The following DYNC1I1 variants were observed in gnomAD, a reference collection of about 807,000 sequenced individuals.
DYNC1I1 encodes the protein dynein cytoplasmic 1 intermediate chain 1.
A neutral mutation model predicts 86.6 loss-of-function variants in DYNC1I1; 43 were observed. The ratio of observed to expected loss-of-function variants is 0.50; its 90% CI spans 0.39 to 0.64. The LOEUF is 0.64. Among genes scored for constraint, DYNC1I1 ranks in the 30% least tolerant of loss-of-function variants. The pLI is 0.00. For synonymous variants in DYNC1I1, 262 were observed against 283.7 expected, an observed-to-expected ratio of 0.92 and a Z score of 0.77; for missense variants, 604 against 788.8, an observed-to-expected ratio of 0.77 and a Z score of 2.81.
At chr7:95,904,505 T>G (rs1056534197) in intron 6 of DYNC1I1, among the ~76,000 whole-genome samples, 8 of 152,168 alleles carry the variant, frequency 5.3e-5, no homozygotes, top group African/African-American at 1.9e-4. Flanking sequence ...AGACACATTT[T>G]CAGCCAATGG....
rs570007291 is a variant in DYNC1I1 at position 95,912,501 on chromosome 7, G to T, written c.490+42503G>T. 2.2e-4 allele frequency among the ~76,000 whole-genome samples: 34 copies of T among 152,290 alleles called. 1 individual carries two copies. In the South Asian group the frequency reaches 6.0e-3, roughly 27 times the overall value. On this transcript the variant is annotated intron_variant, in intron 6 of 16. Coordinates refer to ENST00000447467, the MANE Select transcript of DYNC1I1 (RefSeq NM_001135556.2). ...GCATGTGGCTCAGGTTGAAGAGCTG[G>T]TCTTTCCCACTCCTTGATTTGCAGG...
Position 95,977,561 on chromosome 7 carries a change from A to G in DYNC1I1, c.540A>G (p.Ser180=), listed in dbSNP as rs752551956. The G allele has an allele frequency of 1.2e-6, 2 of 1,613,552 alleles. No individual in the cohort carries two copies. Among genetic ancestry groups the G allele is most frequent in the South Asian group, 1.1e-5 (1 of 90,944 alleles). The change falls in exon 7 of 17, where the codon TCA becomes TCG. Residue 180 remains serine, a synonymous_variant. Coordinates refer to ENST00000447467, the MANE Select transcript of DYNC1I1 (RefSeq NM_001135556.2). ...EMVESKVGQD[S]ELENQDKKQE... is the part of the protein sequence containing the mutation. ...TGGAATCTAAAGTTGGCCAGGACTC[A>G]GAACTGGAAAATCAGGACAAAAAAC...
intron 6 of DYNC1I1, among the ~76,000 whole-genome samples, chr7:95,878,535 A>G (rs1227159048): frequency 6.6e-6 from 1 of 152,208 alleles, no homozygotes; most frequent in East Asian, 1.9e-4. Flanking sequence ...TGCAGTCTGA[A>G]GATGAGAAAG....
At chr7:95,947,548 G>A (rs1321950477) in intron 6 of DYNC1I1, among the ~76,000 whole-genome samples, 1 of 152,096 alleles carries the variant, frequency 6.6e-6, no homozygotes, top group East Asian at 1.9e-4. Flanking sequence ...GTTTTTGGGT[G>A]GGAGATGCCC....
chr7:96,086,596 G>A lies in DYNC1I1; in HGVS notation c.1776+6108G>A, dbSNP rs115121747. Among the ~76,000 whole-genome samples, 1,276 of 152,188 alleles carry A rather than the reference G, an allele frequency of 8.4e-3. 20 individuals are homozygous for A. The highest frequency in any genetic ancestry group is 0.029 in the African/African-American group (1,210 of 41,518). ...ACTTTGATAGCATTTCAAATAGCTT[G>A]TTTGATACGACTATTTGGGGGCCAA... is the stretch of plus-strand genomic sequence containing the variant. On this transcript the variant is annotated intron_variant, in intron 16 of 16. Coordinates refer to ENST00000447467, the MANE Select transcript of DYNC1I1 (RefSeq NM_001135556.2).
intron 14 of DYNC1I1, among the ~76,000 whole-genome samples, chr7:96,072,265 T>C (rs902653159): frequency 6.6e-6 from 1 of 152,210 alleles, no homozygotes; most frequent in Non-Finnish European, 1.5e-5. Context: ...TACTTTACCA[T>C]TATTGTAACA....
intron 5 of DYNC1I1, among the ~76,000 whole-genome samples, chr7:95,851,764 A>G (rs1789585662): frequency 6.6e-6 from 1 of 152,120 alleles, no homozygotes; most frequent in Non-Finnish European, 1.5e-5. Context: ...TCCTGGGTTC[A>G]AGTGATTCTC....
At chr7:95,846,732 A>G (rs975604444) in intron 5 of DYNC1I1, among the ~76,000 whole-genome samples, 6 of 151,020 alleles carry the variant, frequency 4.0e-5, no homozygotes, top group Admixed American at 3.3e-4. Context: ...CCATTCCTCC[A>G]TGTGGTATCC....
downstream of DYNC1I1, among the ~76,000 whole-genome samples, chr7:96,102,454 A>C (rs1791149868): frequency 6.6e-6 from 1 of 152,196 alleles, no homozygotes; most frequent in Admixed American, 6.5e-5. Flanking sequence ...GAATCTCCCC[A>C]ATGTTTAAGA....
intron 6 of DYNC1I1, among the ~76,000 whole-genome samples, chr7:95,903,754 G>T (rs959735572): frequency 6.6e-6 from 1 of 152,120 alleles, no homozygotes; most frequent in African/African-American, 2.4e-5. Context: ...TCTTTGATAG[G>T]TAAGGAAACT....
intron 10 of DYNC1I1, among the ~76,000 whole-genome samples, chr7:96,013,616 G>A (rs565282421): frequency 3.9e-5 from 6 of 152,014 alleles, no homozygotes; most frequent in Non-Finnish European, 5.9e-5. Context: ...GTACCACCAC[G>A]CCTGGCTAAT....
At chr7:96,091,717 A>G (rs1054217641) in intron 16 of DYNC1I1, among the ~76,000 whole-genome samples, 3 of 152,238 alleles carry the variant, frequency 2.0e-5, no homozygotes, top group Non-Finnish European at 4.4e-5. Context: ...ACTGAGAACT[A>G]TTCAAAATAG....
At chr7:95,955,590 G>A (rs1248096198) in intron 6 of DYNC1I1, among the ~76,000 whole-genome samples, 2 of 152,036 alleles carry the variant, frequency 1.3e-5, no homozygotes, top group African/African-American at 4.8e-5. Flanking sequence ...CCTCCTAAGT[G>A]GTGGCAATTT....
chr7:95,798,818 T>A (rs1323446679), intron 1 of DYNC1I1, among the ~76,000 whole-genome samples: 3 of 152,206 alleles, frequency 2.0e-5, no homozygotes, highest in Non-Finnish European at 4.4e-5. Context: ...TGCTAGACAC[T>A]TTGTTCTAAA....
At chr7:95,968,470 T>A (rs898202040) in intron 6 of DYNC1I1, among the ~76,000 whole-genome samples, 6 of 152,174 alleles carry the variant, frequency 3.9e-5, no homozygotes, top group African/African-American at 1.2e-4. Context: ...TTTCTATTTA[T>A]TTTACTCTTT....
intron 10 of DYNC1I1, among the ~76,000 whole-genome samples, chr7:96,021,655 T>C (rs935801600): frequency 6.6e-6 from 1 of 152,160 alleles, no homozygotes; most frequent in Non-Finnish European, 1.5e-5. Context: ...CCATATTTAG[T>C]AGTCATTCCT....
chr7:96,017,563 A>C (rs1794433890), intron 10 of DYNC1I1, among the ~76,000 whole-genome samples: 1 of 152,150 alleles, frequency 6.6e-6, no homozygotes, highest in Non-Finnish European at 1.5e-5. Flanking sequence ...ATTTTGCTGA[A>C]GATGATTCTC....
At chr7:96,095,644 G>A (rs893612934) in intron 16 of DYNC1I1, among the ~76,000 whole-genome samples, 5 of 151,976 alleles carry the variant, frequency 3.3e-5, no homozygotes, top group Non-Finnish European at 7.4e-5. Context: ...TCTCTTCTTG[G>A]GCTTTTGTTT....
At chr7:95,871,236 C>T (rs185729329) in intron 6 of DYNC1I1, among the ~76,000 whole-genome samples, 141 of 152,244 alleles carry the variant, frequency 9.3e-4, no homozygotes, top group African/African-American at 3.1e-3. Flanking sequence ...ATTTCTCAAG[C>T]CCCAGTGAAA....
Sources: allele counts gnomAD v4.1 joint callset (sites outside exome capture counted in the v4.1 genomes callset), GRCh38; gene constraint gnomAD v4.1.1; transcripts MANE v1.5; gene names NCBI Gene and HGNC (gene_info 2026-07-23, HGNC 2026-07-21).